The following FBXL7 variants were observed in gnomAD, a reference collection of about 807,000 sequenced individuals.
FBXL7 encodes the protein F-box and leucine rich repeat protein 7, also known as F-box/LRR-repeat protein 7.
FBXL7 carries 12 observed loss-of-function variants against 38.3 expected under a neutral mutation model. The ratio of observed to expected loss-of-function variants is 0.31; its 90% CI spans 0.20 to 0.51. FBXL7 has a LOEUF of 0.51. Ranked by LOEUF, FBXL7 falls within the 20% of genes least tolerant of loss-of-function variation. The pLI, the probability that FBXL7 is intolerant of heterozygous loss-of-function variation, is 0.98. For synonymous variants in FBXL7, 297 were observed against 300.9 expected (o/e 0.99, Z 0.13); for missense variants, 567 against 676.4 (o/e 0.84, Z 1.79).
intron 2 of FBXL7, among the ~76,000 whole-genome samples, chr5:15,824,667 CA>C (rs1481607557): frequency 2.0e-5 from 3 of 152,166 alleles, no homozygotes; most frequent in African/African-American, 7.2e-5. Flanking sequence ...TCATGGAAGA[CA>C]AACCTTCTAA....
chr5:15,803,519 TC>T (rs973052352), intron 2 of FBXL7, among the ~76,000 whole-genome samples: 4 of 152,014 alleles, frequency 2.6e-5, no homozygotes, highest in Admixed American at 2.0e-4. Flanking sequence ...ACTCATATTT[TC>T]CCCTTTCTCC....
chr5:15,902,238 C>A (rs776708810), intron 2 of FBXL7, among the ~76,000 whole-genome samples: 17 of 152,194 alleles, frequency 1.1e-4, no homozygotes, highest in Non-Finnish European at 2.5e-4. Flanking sequence ...ATGTTTACAG[C>A]TACGGAGTTA....
chr5:15,692,649 CATCAGGCT>C (rs530418583), intron 2 of FBXL7, among the ~76,000 whole-genome samples: 76 of 152,262 alleles, frequency 5.0e-4, no homozygotes, highest in African/African-American at 1.8e-3. Flanking sequence ...CCGAAATGGC[CATCAGGCT>C]GCAAATAAAG....
At chr5:15,633,699 G>A (rs944330639) in intron 2 of FBXL7, among the ~76,000 whole-genome samples, 1 of 150,836 alleles carries the variant, frequency 6.6e-6, no homozygotes, top group South Asian at 2.1e-4. Context: ...AGATAGACTA[G>A]GCCTGACCTT....
intron 2 of FBXL7, among the ~76,000 whole-genome samples, chr5:15,743,793 A>G (rs1222336763): frequency 6.6e-6 from 1 of 152,202 alleles, no homozygotes; most frequent in African/African-American, 2.4e-5. Flanking sequence ...GGGTGTTTTC[A>G]TACATCCTTT....
intron 1 of FBXL7, among the ~76,000 whole-genome samples, chr5:15,509,459 C>T (rs1736734104): frequency 6.6e-6 from 1 of 152,132 alleles, no homozygotes; most frequent in Admixed American, 6.5e-5. Context: ...TCTACTTCCC[C>T]AGTGTGCTAA....
At chr5:15,807,538 A>G (rs1387425358) in intron 2 of FBXL7, among the ~76,000 whole-genome samples, 1 of 152,206 alleles carries the variant, frequency 6.6e-6, no homozygotes, top group African/African-American at 2.4e-5. Flanking sequence ...TATGTAGGTC[A>G]GAGTATTAGA....
At chr5:15,606,713 C>T (rs2126502736) in intron 1 of FBXL7, 1 of 152,320 alleles carries the variant, frequency 6.6e-6, no homozygotes, top group Middle Eastern at 3.4e-3. Flanking sequence ...TCCCCAGCCC[C>T]TGCTTCTAAT....
At chr5:15,828,443 G>A (rs1451888050) in intron 2 of FBXL7, among the ~76,000 whole-genome samples, 1 of 152,004 alleles carries the variant, frequency 6.6e-6, no homozygotes, top group African/African-American at 2.4e-5. Context: ...ATTTAATCTG[G>A]CAATCTTAAG....
In FBXL7 at chr5:15,776,672, G is replaced by A. The variant is rs549700619; in HGVS notation, c.128-151218G>A. On this transcript the variant is annotated intron_variant, in intron 2 of 3. Coordinates refer to ENST00000504595, the MANE Select transcript of FBXL7 (RefSeq NM_012304.5). ...CGCACTTTTTTTGGTATAATTTCTC[G>A]CATATGTTTCTTATAACTTCATGGC... Among the ~76,000 whole-genome samples the A allele has an allele frequency of 1.1e-4, 17 of 152,182 alleles. No homozygotes were observed. In the East Asian group the frequency reaches 2.9e-3, roughly 26 times the overall value.
At chr5:15,924,948 C>T (rs1741843610) in intron 2 of FBXL7, among the ~76,000 whole-genome samples, 1 of 152,136 alleles carries the variant, frequency 6.6e-6, no homozygotes, top group South Asian at 2.1e-4. Context: ...GGCATGTTCT[C>T]CTCACTGTGA....
chr5:15,918,539 T>A (rs1741658790), intron 2 of FBXL7, among the ~76,000 whole-genome samples: 1 of 152,234 alleles, frequency 6.6e-6, no homozygotes, highest in Non-Finnish European at 1.5e-5. Flanking sequence ...TGTATGAATA[T>A]TCCCTTCTAG....
Position 15,860,843 on chromosome 5 carries a change from C to G in FBXL7, c.128-67047C>G, listed in dbSNP as rs966188392. On this transcript the variant is annotated intron_variant, in intron 2 of 3. Transcript: ENST00000504595. Reference sequence around the variant, plus strand: ...AGATTTAGAAACTAATTGTCTAGACCAGATGTCTAATTATATACTTAGAGA... The same window carrying G: ...AGATTTAGAAACTAATTGTCTAGACGAGATGTCTAATTATATACTTAGAGA... Among the ~76,000 whole-genome samples, 38 of 152,012 alleles carry G rather than the reference C, an allele frequency of 2.5e-4. 1 individual carries two copies. Among genetic ancestry groups the G allele is most frequent in the Admixed American group, 2.5e-3 (38 of 15,250 alleles).
At chr5:15,902,989 G>T (rs970751172) in intron 2 of FBXL7, among the ~76,000 whole-genome samples, 7 of 152,220 alleles carry the variant, frequency 4.6e-5, no homozygotes, top group African/African-American at 1.4e-4. Flanking sequence ...GAGCTCTTCT[G>T]CAAAAGTGCT....
At position 15,938,138 on chromosome 5, in the gene FBXL7, G is replaced by C. The variant is rs1396732529; in HGVS notation, c.*952G>C. On this transcript the variant is annotated 3_prime_UTR_variant, in exon 4 of 4. Transcript: ENST00000504595. Reference sequence around the variant, plus strand: ...ACCTCCTCACATCCTCTTTTGCCAGGCTGGATGCTGTCGTCTCTGTACACA... The same window carrying C: ...ACCTCCTCACATCCTCTTTTGCCAGCCTGGATGCTGTCGTCTCTGTACACA... 1.3e-5 allele frequency: 2 copies of C among 152,076 alleles called. No individual in the cohort carries two copies. The allele number at this position is 152,076 out of a possible 1,614,324, so 9.4% of individuals were successfully genotyped here.
At chr5:15,746,263 A>T (rs1180735519) in intron 2 of FBXL7, among the ~76,000 whole-genome samples, 2 of 152,202 alleles carry the variant, frequency 1.3e-5, no homozygotes, top group Non-Finnish European at 2.9e-5. Flanking sequence ...AGATGCTTTT[A>T]AGACATCCAA....
intron 1 of FBXL7, among the ~76,000 whole-genome samples, chr5:15,577,334 G>A (rs949201744): frequency 1.4e-4 from 21 of 152,208 alleles, no homozygotes; most frequent in Non-Finnish European, 2.8e-4. Context: ...GGGGCAGGGG[G>A]GCATTTATTT....
chr5:15,572,751 G>T (rs1422866140), intron 1 of FBXL7, among the ~76,000 whole-genome samples: 1 of 152,132 alleles, frequency 6.6e-6, no homozygotes, highest in Non-Finnish European at 1.5e-5. Flanking sequence ...TTAGGAAGAG[G>T]ACCTGGAGGC....
chr5:15,779,789 C>T (rs1025348869), intron 2 of FBXL7, among the ~76,000 whole-genome samples: 16 of 152,110 alleles, frequency 1.1e-4, no homozygotes, highest in African/African-American at 3.1e-4. Context: ...GCCTAAAAGT[C>T]GTCATGGAAA....
Sources: allele counts gnomAD v4.1 joint callset (sites outside exome capture counted in the v4.1 genomes callset), GRCh38; gene constraint gnomAD v4.1.1; transcripts MANE v1.5; gene names NCBI Gene and HGNC (gene_info 2026-07-23, HGNC 2026-07-21).